Variants in VTI1A observed in about 807,000 individuals in gnomAD.
VTI1A encodes vesicle transport through interaction with t-SNAREs 1A.
In VTI1A, 22 loss-of-function variants were observed where a neutral mutation model predicts 34.9. The ratio of observed to expected loss-of-function variants is 0.63; its 90% CI spans 0.45 to 0.90. The LOEUF (loss-of-function observed/expected upper bound fraction) is 0.90, where lower values mean the gene tolerates loss of function less well. VTI1A is among the 40% of genes least tolerant of loss of function. VTI1A has a pLI of 0.00. For synonymous variants in VTI1A, 87 were observed against 97.3 expected (o/e 0.89, Z 0.62); for missense variants, 268 against 275.6 (o/e 0.97, Z 0.20).
intron 7 of VTI1A, among the ~76,000 whole-genome samples, chr10:112,770,056 T>C (rs1355478206): frequency 6.6e-6 from 1 of 151,788 alleles, no homozygotes; most frequent in Non-Finnish European, 1.5e-5. Context: ...GGCAACGATT[T>C]TTTTTTTTTT....
Position 112,663,804 on chromosome 10 carries a change from G to A in VTI1A, c.428-4414G>A, listed in dbSNP as rs537916194. 4.6e-5 allele frequency among the ~76,000 whole-genome samples: 7 copies of A among 152,270 alleles called. No individual in the cohort carries two copies. The South Asian group carries it at 8.3e-4, about 18-fold the overall frequency. Reference sequence around the variant, plus strand: ...ACGTTTTCTACCTTCATTAGACTCCGTGGCCAGAAGTTCCCAAGTCATGTC... The same window carrying A: ...ACGTTTTCTACCTTCATTAGACTCCATGGCCAGAAGTTCCCAAGTCATGTC... On this transcript the variant is annotated intron_variant, in intron 5 of 7. Coordinates refer to ENST00000393077, the MANE Select transcript of VTI1A (RefSeq NM_145206.4).
the VTI1A span, among the ~76,000 whole-genome samples, chr10:112,848,464 C>A: frequency 1.3e-5 from 2 of 152,170 alleles, no homozygotes; most frequent in Non-Finnish European, 2.9e-5. Flanking sequence ...TGACCCTGGT[C>A]AGACCTTGGA....
intron 7 of VTI1A, among the ~76,000 whole-genome samples, chr10:112,738,592 G>A (rs962165333): frequency 1.3e-5 from 2 of 152,178 alleles, no homozygotes; most frequent in Admixed American, 6.5e-5. Context: ...ATCAAGACAT[G>A]TAAAGTTCAG....
At chr10:112,536,425 T>C (rs1486554589) in intron 4 of VTI1A, among the ~76,000 whole-genome samples, 2 of 152,208 alleles carry the variant, frequency 1.3e-5, no homozygotes, top group African/African-American at 4.8e-5. Context: ...AAAGCTATTT[T>C]TGACAAGCCT....
chr10:112,476,744 A>G (rs534589439), intron 3 of VTI1A, among the ~76,000 whole-genome samples: 1 of 152,314 alleles, frequency 6.6e-6, no homozygotes, highest in African/African-American at 2.4e-5. Context: ...TGCTTTGCCA[A>G]ACTGAAGTAA....
intron 5 of VTI1A, among the ~76,000 whole-genome samples, chr10:112,615,127 T>C (rs757738398): frequency 6.6e-6 from 1 of 152,210 alleles, no homozygotes; most frequent in Non-Finnish European, 1.5e-5. Context: ...GTTAAGGATT[T>C]CCAATAAGAC....
At chr10:112,587,918 T>C (rs1452565620) in intron 5 of VTI1A, among the ~76,000 whole-genome samples, 1 of 152,132 alleles carries the variant, frequency 6.6e-6, no homozygotes, top group Non-Finnish European at 1.5e-5. Flanking sequence ...GAAGTGGTTT[T>C]TTTTTTTTAC....
the VTI1A span, among the ~76,000 whole-genome samples, chr10:112,836,076 G>A: frequency 6.6e-6 from 1 of 152,230 alleles, no homozygotes; most frequent in Non-Finnish European, 1.5e-5. Context: ...CCTTGGGGTG[G>A]GAGAACTAAG....
intron 7 of VTI1A, among the ~76,000 whole-genome samples, chr10:112,730,019 C>T (rs537752328): frequency 6.6e-6 from 1 of 152,354 alleles, no homozygotes; most frequent in South Asian, 2.1e-4. Flanking sequence ...GCAGCAACAC[C>T]TGGATTGAGT....
chr10:112,536,745 C>T (rs1850633553), intron 4 of VTI1A, among the ~76,000 whole-genome samples: 1 of 139,574 alleles, frequency 7.2e-6, no homozygotes, highest in South Asian at 2.6e-4. Context: ...ATGATTCTCA[C>T]CCCCCCACCC....
chr10:112,698,433 A>G (rs533186093), intron 7 of VTI1A, among the ~76,000 whole-genome samples: 1 of 152,296 alleles, frequency 6.6e-6, no homozygotes, highest in African/African-American at 2.4e-5. Context: ...TCTTTTGGAA[A>G]CTATAGACGT....
chr10:112,737,829 T>G, intron 7 of VTI1A: 1 of 1,060,768 alleles, frequency 9.4e-7, no homozygotes, highest in East Asian at 5.1e-5. Context: ...TTTCTTGCAT[T>G]TCTTTCTGCT....
intron 3 of VTI1A, among the ~76,000 whole-genome samples, chr10:112,523,936 G>T (rs1301674287): frequency 6.6e-6 from 1 of 152,186 alleles, no homozygotes; most frequent in African/African-American, 2.4e-5. Context: ...AAATATTTTA[G>T]TGAAGTTTAT....
the VTI1A span, among the ~76,000 whole-genome samples, chr10:112,853,260 A>G: frequency 6.6e-6 from 1 of 152,058 alleles, no homozygotes; most frequent in East Asian, 1.9e-4. Context: ...ACTACCTCCA[A>G]CCCCAGAACT....
chr10:112,808,641 AAAAG>A (rs1294047978), intron 7 of VTI1A, among the ~76,000 whole-genome samples: 46 of 151,952 alleles, frequency 3.0e-4, no homozygotes, highest in African/African-American at 8.4e-4. Flanking sequence ...AAAAAAAAAA[AAAAG>A]AAAGCGAGAG....
intron 5 of VTI1A, among the ~76,000 whole-genome samples, chr10:112,609,033 G>A (rs369004719): frequency 6.6e-5 from 10 of 152,246 alleles, no homozygotes; most frequent in African/African-American, 2.2e-4. Flanking sequence ...GTTGGAAATC[G>A]AAATCTATAG....
intron 7 of VTI1A, among the ~76,000 whole-genome samples, chr10:112,689,862 A>T (rs1378502746): frequency 1.3e-5 from 2 of 152,136 alleles, no homozygotes; most frequent in African/African-American, 2.4e-5. Flanking sequence ...ACCACCACAC[A>T]TCAAGATATA....
At chr10:112,830,849 A>ATATATATATTT in the VTI1A span, among the ~76,000 whole-genome samples, 2 of 33,486 alleles carry the variant, frequency 6.0e-5, no homozygotes, top group South Asian at 1.6e-3. Flanking sequence ...ATATATATAT[A>ATATATATATTT]TTTTTTTTTT....
At chr10:112,724,419 A>T (rs919843238) in intron 7 of VTI1A, among the ~76,000 whole-genome samples, 1 of 152,106 alleles carries the variant, frequency 6.6e-6, no homozygotes, top group African/African-American at 2.4e-5. Flanking sequence ...TGCCCTGGGA[A>T]TGAGGTTAAA....
Sources: gnomAD v4.1 joint callset for allele counts (sites outside exome capture counted in the v4.1 genomes callset) on GRCh38, gnomAD v4.1.1 for gene constraint, MANE v1.5 for transcripts, NCBI Gene and HGNC (gene_info 2026-07-23, HGNC 2026-07-21) for gene names.